Variants in CDK14 observed in about 807,000 individuals in gnomAD.
CDK14 encodes the protein cyclin dependent kinase 14.
In CDK14, 34 loss-of-function variants were observed where a neutral mutation model predicts 60.7. The observed-to-expected ratio is 0.56, with a 90% CI of 0.43 to 0.75. CDK14 has a LOEUF of 0.75. Ranked by LOEUF, CDK14 falls within the 30% of genes least tolerant of loss-of-function variation. The pLI is 0.00. For missense variants in CDK14, 482 were observed against 564.1 expected (o/e 0.85, Z 1.47); for synonymous variants, 197 against 203.7 (o/e 0.97, Z 0.28).
intron 6 of CDK14, among the ~76,000 whole-genome samples, chr7:90,885,725 C>T (rs1791921479): frequency 6.6e-6 from 1 of 152,180 alleles, no homozygotes; most frequent in Non-Finnish European, 1.5e-5. Flanking sequence ...CCATGGAATG[C>T]TATGCAGCCG....
chr7:90,649,240 CTTTCTT>C (rs879694894), intron 2 of CDK14, among the ~76,000 whole-genome samples: 1 of 30,254 alleles, frequency 3.3e-5, no homozygotes, highest in African/African-American at 1.2e-4. Flanking sequence ...CCTATAGTTT[CTTTCTT>C]TCTTTCTTTC....
intron 10 of CDK14, among the ~76,000 whole-genome samples, chr7:90,996,689 T>G (rs1439000139): frequency 6.6e-6 from 1 of 152,264 alleles, no homozygotes; most frequent in African/African-American, 2.4e-5. Context: ...ATATTCTTAC[T>G]AAAATCTCTT....
intron 4 of CDK14, among the ~76,000 whole-genome samples, chr7:90,780,114 C>CT (rs1312138616): frequency 2.0e-5 from 3 of 152,132 alleles, no homozygotes; most frequent in African/African-American, 7.2e-5. Context: ...TGGTCAGAAT[C>CT]TAACTGTTGA....
chr7:90,604,026 G>T (rs1799369636), intron 1 of CDK14, among the ~76,000 whole-genome samples, 192 bp from the exon 2 acceptor site: 1 of 152,192 alleles, frequency 6.6e-6, no homozygotes, highest in South Asian at 2.1e-4. Context: ...TATTTCAAAA[G>T]ATGCATGCTG....
At chr7:90,659,900 T>TGC (rs1563034441) in intron 2 of CDK14, among the ~76,000 whole-genome samples, 1 of 149,602 alleles carries the variant, frequency 6.7e-6, no homozygotes, top group Non-Finnish European at 1.5e-5. Flanking sequence ...TGTGTGTGTG[T>TGC]GCACGCACGT....
chr7:91,065,248 G>A (rs1250210633), intron 11 of CDK14, among the ~76,000 whole-genome samples: 1 of 152,194 alleles, frequency 6.6e-6, no homozygotes, highest in Non-Finnish European at 1.5e-5. Context: ...CTACTGGGTG[G>A]CAGTGACAGG....
intron 2 of CDK14, among the ~76,000 whole-genome samples, chr7:90,677,002 A>C (rs1801214672): frequency 1.3e-5 from 2 of 151,896 alleles, no homozygotes; most frequent in South Asian, 2.1e-4. Flanking sequence ...AAGGGAAGTA[A>C]TGATGTATGC....
At chr7:91,068,562 C>G (rs1017411401) in intron 11 of CDK14, among the ~76,000 whole-genome samples, 2 of 152,098 alleles carry the variant, frequency 1.3e-5, no homozygotes, top group African/African-American at 4.8e-5. Context: ...AGTCAGTGCT[C>G]TATGAATCAT....
chr7:90,958,940 C>T (rs1185866435), intron 9 of CDK14, among the ~76,000 whole-genome samples: 1 of 152,094 alleles, frequency 6.6e-6, no homozygotes, highest in Non-Finnish European at 1.5e-5. Context: ...CCTTTAAAAG[C>T]ACCAAGAACC....
chr7:90,851,688 G>C (rs79494199), intron 5 of CDK14, among the ~76,000 whole-genome samples: 2 of 151,988 alleles, frequency 1.3e-5, no homozygotes, highest in Non-Finnish European at 1.5e-5. Flanking sequence ...TTGACAGTGC[G>C]TACAGAGATG....
intron 11 of CDK14, 39 bp from the exon 12 acceptor site, chr7:91,079,393 G>A (rs1798416810): frequency 1.5e-6 from 2 of 1,358,286 alleles, no homozygotes; most frequent in East Asian, 2.3e-5. Flanking sequence ...ATATACATTT[G>A]ATACAAAGAT....
chr7:91,086,479 G>T (rs1296490176), intron 12 of CDK14, among the ~76,000 whole-genome samples: 1 of 152,026 alleles, frequency 6.6e-6, no homozygotes, highest in East Asian at 1.9e-4. Context: ...ACTCCCTTAA[G>T]AATTCACCTC....
intron 8 of CDK14, among the ~76,000 whole-genome samples, chr7:90,924,799 T>A (rs1351853704): frequency 6.6e-6 from 1 of 152,164 alleles, no homozygotes; most frequent in Non-Finnish European, 1.5e-5. Context: ...CCTAGTTTCT[T>A]TTTTAAAAAA....
intron 12 of CDK14, among the ~76,000 whole-genome samples, chr7:91,091,498 A>ATT (rs1338110134): frequency 2.3e-4 from 10 of 42,802 alleles, no homozygotes; most frequent in African/African-American, 9.6e-4. Flanking sequence ...TAGTTTATAT[A>ATT]TTTTATATAT....
chr7:90,880,881 C>T (rs1791727274), intron 6 of CDK14, among the ~76,000 whole-genome samples: 1 of 152,086 alleles, frequency 6.6e-6, no homozygotes, highest in African/African-American at 2.4e-5. Context: ...AGCAGAAAAG[C>T]AACAACAGCA....
intron 5 of CDK14, among the ~76,000 whole-genome samples, chr7:90,795,332 C>CA (rs1176364232): frequency 1.3e-5 from 2 of 152,046 alleles, no homozygotes; most frequent in African/African-American, 4.8e-5. Context: ...TATGCTGATT[C>CA]TGTACATAGA....
intron 14 of CDK14, among the ~76,000 whole-genome samples, chr7:91,200,154 A>C (rs1802670931): frequency 6.6e-6 from 1 of 152,236 alleles, no homozygotes; most frequent in Non-Finnish European, 1.5e-5. Flanking sequence ...TCAAAGAATA[A>C]GGAAATTAAG....
chr7:90,722,215 A>G (rs528331285), intron 2 of CDK14, among the ~76,000 whole-genome samples: 1 of 144,102 alleles, frequency 6.9e-6, no homozygotes, highest in East Asian at 2.1e-4. Context: ...TTTTTGAGAT[A>G]GGGTCTCACT....
At chr7:90,866,619 A>C (rs2117232809) in intron 6 of CDK14, among the ~76,000 whole-genome samples, 1 of 152,292 alleles carries the variant, frequency 6.6e-6, no homozygotes, top group Non-Finnish European at 1.5e-5. Context: ...AAGTTTTACC[A>C]AGTGAAGGAT....
Sources: gnomAD v4.1 joint callset for allele counts (sites outside exome capture counted in the v4.1 genomes callset) on GRCh38, gnomAD v4.1.1 for gene constraint, MANE v1.5 for transcripts, NCBI Gene and HGNC (gene_info 2026-07-23, HGNC 2026-07-21) for gene names.